The following RPS6KC1 variants were observed in gnomAD, a reference collection of about 807,000 sequenced individuals.
The protein encoded by RPS6KC1 is inactive ribosomal protein S6 kinase delta-1.
A neutral mutation model predicts 103.8 loss-of-function variants in RPS6KC1; 54 were observed. That is an observed-to-expected ratio of 0.52 (90% CI 0.42 to 0.65). The LOEUF (loss-of-function observed/expected upper bound fraction) is 0.65, where lower values mean the gene tolerates loss of function less well. Among genes scored for constraint, RPS6KC1 ranks in the 30% least tolerant of loss-of-function variants. The pLI is 0.00. For missense variants in RPS6KC1, 1,151 were observed against 1,253.8 expected, an observed-to-expected ratio of 0.92 and a Z score of 1.24; for synonymous variants, 439 against 438.7, an observed-to-expected ratio of 1.00 and a Z score of -0.01.
the RPS6KC1 span, among the ~76,000 whole-genome samples, chr1:213,475,764 G>A: frequency 2.6e-5 from 4 of 152,302 alleles, no homozygotes; most frequent in East Asian, 7.7e-4. Flanking sequence ...ATTTCACCGG[G>A]AAATGGCCAT....
chr1:213,152,187 C>T (rs1292428846), intron 6 of RPS6KC1, among the ~76,000 whole-genome samples: 1 of 141,930 alleles, frequency 7.0e-6, no homozygotes, highest in Non-Finnish European at 1.5e-5. Context: ...GGGGGCTGAC[C>T]CCCCACCTCC....
chr1:213,061,965 T>G (rs2077881201), intron 1 of RPS6KC1, among the ~76,000 whole-genome samples: 1 of 152,254 alleles, frequency 6.6e-6, no homozygotes, highest in African/African-American at 2.4e-5. Context: ...TCAGAAGACT[T>G]GATTACAATA....
chr1:213,602,750 G>A, the RPS6KC1 span, among the ~76,000 whole-genome samples: 2 of 152,192 alleles, frequency 1.3e-5, no homozygotes, highest in Non-Finnish European at 2.9e-5. Flanking sequence ...AGAGGTAGTA[G>A]ATGCCAAGCA....
chr1:213,736,243 G>C, the RPS6KC1 span, among the ~76,000 whole-genome samples: 11 of 152,238 alleles, frequency 7.2e-5, no homozygotes, highest in Non-Finnish European at 1.5e-4. Flanking sequence ...AACTTAACAG[G>C]GTCCTCTAGT....
At chr1:213,353,725 G>A in the RPS6KC1 span, among the ~76,000 whole-genome samples, 1 of 152,154 alleles carries the variant, frequency 6.6e-6, no homozygotes, top group Non-Finnish European at 1.5e-5. Flanking sequence ...TGAGTCAGGC[G>A]TATGTATTAG....
chr1:213,061,438 T>G (rs1009193533), intron 1 of RPS6KC1, among the ~76,000 whole-genome samples: 28 of 152,134 alleles, frequency 1.8e-4, no homozygotes, highest in African/African-American at 6.8e-4. Flanking sequence ...GCCCAAATAT[T>G]CTTGCCAACC....
the RPS6KC1 span, among the ~76,000 whole-genome samples, chr1:213,768,037 C>G: frequency 1.3e-5 from 2 of 152,146 alleles, no homozygotes; most frequent in Admixed American, 6.5e-5. Context: ...CTTATTTGAG[C>G]CTACATATCT....
At chr1:213,752,414 T>C in the RPS6KC1 span, among the ~76,000 whole-genome samples, 1 of 151,906 alleles carries the variant, frequency 6.6e-6, no homozygotes, top group Admixed American at 6.6e-5. Flanking sequence ...TATTGACAAA[T>C]CGATGCCAGG....
At chr1:213,553,399 A>G in the RPS6KC1 span, among the ~76,000 whole-genome samples, 2 of 152,182 alleles carry the variant, frequency 1.3e-5, no homozygotes, top group African/African-American at 4.8e-5. Flanking sequence ...TTCTTTATCC[A>G]GGCCACCATT....
At chr1:213,453,024 A>G in the RPS6KC1 span, among the ~76,000 whole-genome samples, 1 of 152,038 alleles carries the variant, frequency 6.6e-6, no homozygotes, top group Non-Finnish European at 1.5e-5. Context: ...CAATTTGGGA[A>G]GGAGCATCTG....
intron 3 of RPS6KC1, among the ~76,000 whole-genome samples, chr1:213,087,615 A>G (rs1301914077): frequency 6.6e-6 from 1 of 152,140 alleles, no homozygotes; most frequent in East Asian, 1.9e-4. Context: ...TTCTTCCAGT[A>G]TCCTATGGAT....
the RPS6KC1 span, among the ~76,000 whole-genome samples, chr1:213,367,813 A>G: frequency 6.6e-6 from 1 of 152,222 alleles, no homozygotes; most frequent in Non-Finnish European, 1.5e-5. Context: ...TAAGGAGGGT[A>G]GATAAGAAGA....
At chr1:213,408,003 A>G in the RPS6KC1 span, among the ~76,000 whole-genome samples, 5 of 152,362 alleles carry the variant, frequency 3.3e-5, no homozygotes, top group Non-Finnish European at 7.3e-5. Flanking sequence ...AGCTACAGAT[A>G]TGGAAGCTCC....
At chr1:213,190,162 A>C (rs1245506308) in intron 8 of RPS6KC1, among the ~76,000 whole-genome samples, 1 of 152,158 alleles carries the variant, frequency 6.6e-6, no homozygotes, top group Non-Finnish European at 1.5e-5. Flanking sequence ...TCTTTTGGGT[A>C]TATACCTAAG....
chr1:213,704,345 G>A, the RPS6KC1 span, among the ~76,000 whole-genome samples: 15 of 121,782 alleles, frequency 1.2e-4, no homozygotes, highest in Admixed American at 3.3e-4. Flanking sequence ...CCGAGATTGC[G>A]CCACTGCACT....
At chr1:213,326,455 G>A in the RPS6KC1 span, among the ~76,000 whole-genome samples, 1 of 152,332 alleles carries the variant, frequency 6.6e-6, no homozygotes, top group South Asian at 2.1e-4. Flanking sequence ...AGATGAGGCA[G>A]ATTTCTACCT....
At chr1:213,303,577 C>T in the RPS6KC1 span, among the ~76,000 whole-genome samples, 9 of 152,066 alleles carry the variant, frequency 5.9e-5, no homozygotes, top group Non-Finnish European at 1.2e-4. Context: ...AAGCACGTTC[C>T]GTACCCTGGC....
the RPS6KC1 span, among the ~76,000 whole-genome samples, chr1:213,565,974 A>G: frequency 6.6e-6 from 1 of 151,868 alleles, no homozygotes; most frequent in South Asian, 2.1e-4. Context: ...AAAAAAAAAA[A>G]AAAGTGAAAA....
At chr1:213,169,368 A>T (rs1413572438) in intron 7 of RPS6KC1, among the ~76,000 whole-genome samples, 1 of 152,196 alleles carries the variant, frequency 6.6e-6, no homozygotes, top group African/African-American at 2.4e-5. Context: ...ATATATACTT[A>T]TGTTGCTCTA....
Sources: allele counts gnomAD v4.1 joint callset (sites outside exome capture counted in the v4.1 genomes callset), GRCh38; gene constraint gnomAD v4.1.1; transcripts MANE v1.5; gene names NCBI Gene and HGNC (gene_info 2026-07-23, HGNC 2026-07-21).